The following NRXN3 variants were observed in gnomAD, a reference collection of about 807,000 sequenced individuals.
The protein encoded by NRXN3 is neurexin III.
In NRXN3, 32 loss-of-function variants were observed where a neutral mutation model predicts 137.6. The observed-to-expected ratio is 0.23, with a 90% CI of 0.18 to 0.31. The LOEUF (loss-of-function observed/expected upper bound fraction) is 0.31, where lower values mean the gene tolerates loss of function less well. Ranked by LOEUF, NRXN3 falls within the 10% of genes least tolerant of loss-of-function variation. The pLI, the probability that NRXN3 is intolerant of heterozygous loss-of-function variation, is 1.00. For synonymous variants in NRXN3, 798 were observed against 784.5 expected, an observed-to-expected ratio of 1.02 and a Z score of -0.29; for missense variants, 1,574 against 2,062.5, an observed-to-expected ratio of 0.76 and a Z score of 4.59.
chr14:78,830,757 T>C (rs1003372522), intron 10 of NRXN3, among the ~76,000 whole-genome samples: 18 of 152,098 alleles, frequency 1.2e-4, no homozygotes, highest in African/African-American at 4.3e-4. Context: ...CTTCTCTAGT[T>C]GGCAGCAGCA....
intron 20 of NRXN3, among the ~76,000 whole-genome samples, chr14:79,808,734 T>C (rs1367370570): frequency 2.0e-5 from 3 of 152,190 alleles, no homozygotes; most frequent in Non-Finnish European, 4.4e-5. Flanking sequence ...TAAATTTGGG[T>C]AGTTTAGTGT....
Position 79,572,506 on chromosome 14 carries a change from G to A in NRXN3, c.3445-91272G>A, listed in dbSNP as rs190982811. ...TTAGTACACTTGAGTCCAAAGGAGA[G>A]GTTCACAGCATCGTGCTCTTTTGTG... On this transcript the variant is annotated intron_variant, in intron 16 of 20. Coordinates refer to ENST00000335750, the MANE Select transcript of NRXN3 (RefSeq NM_001330195.2). Among the ~76,000 whole-genome samples the A allele has an allele frequency of 7.3e-4, 111 of 152,252 alleles. No homozygotes were observed. In the Middle Eastern group the frequency reaches 0.017, roughly 23 times the overall value.
intron 15 of NRXN3, among the ~76,000 whole-genome samples, chr14:79,141,198 A>G (rs921320091): frequency 1.3e-5 from 2 of 152,196 alleles, no homozygotes; most frequent in Non-Finnish European, 2.9e-5. Flanking sequence ...CCAGTGGTGG[A>G]CTTCTACAAC....
At chr14:79,698,323 T>C (rs1377760091) in intron 19 of NRXN3, among the ~76,000 whole-genome samples, 1 of 152,040 alleles carries the variant, frequency 6.6e-6, no homozygotes, top group Non-Finnish European at 1.5e-5. Context: ...TTCAATTTCA[T>C]TCACATTCTC....
chr14:79,093,643 G>T (rs1354989536), intron 15 of NRXN3, among the ~76,000 whole-genome samples: 2 of 152,164 alleles, frequency 1.3e-5, no homozygotes, highest in African/African-American at 4.8e-5. Context: ...GTTAAGTGTG[G>T]CAACTTTGAG....
intron 16 of NRXN3, among the ~76,000 whole-genome samples, chr14:79,486,660 T>G (rs1217044149): frequency 6.6e-6 from 1 of 152,172 alleles, no homozygotes; most frequent in African/African-American, 2.4e-5. Flanking sequence ...CTACCTATGG[T>G]TACAGAGTTG....
rs1025840574 is a variant in NRXN3 at position 78,728,390 on chromosome 14, A to G, written c.2044+13251A>G. Among the ~76,000 whole-genome samples, 7 of 152,230 alleles carry G rather than the reference A, an allele frequency of 4.6e-5. 1 individual carries two copies. Among genetic ancestry groups the G allele is most frequent in the Non-Finnish European group, 1.5e-5 (1 of 68,042 alleles). On this transcript the variant is annotated intron_variant, in intron 8 of 20. Transcript: ENST00000335750. The stretch of plus-strand genomic sequence containing the variant: ...AGATGCTTAAAGAAGTGGTCTAAAT[A>G]TGCAGATTCCTGATCATCTTGAAGA...
chr14:79,271,386 C>T (rs1392980821), intron 15 of NRXN3, among the ~76,000 whole-genome samples: 2 of 135,970 alleles, frequency 1.5e-5, no homozygotes, highest in Non-Finnish European at 3.2e-5. Context: ...CCCTTACCTT[C>T]CTCCTTCTTC....
intron 16 of NRXN3, among the ~76,000 whole-genome samples, chr14:79,474,085 T>C (rs1282240830): frequency 6.6e-6 from 1 of 152,168 alleles, no homozygotes; most frequent in Non-Finnish European, 1.5e-5. Flanking sequence ...AGTAGAAAGA[T>C]GTGCTTAATT....
chr14:79,139,158 G>A (rs927954984), intron 15 of NRXN3, among the ~76,000 whole-genome samples: 3 of 152,236 alleles, frequency 2.0e-5, no homozygotes, highest in African/African-American at 7.2e-5. Context: ...CATTTTAAGT[G>A]TCCAGTAATA....
intron 10 of NRXN3, among the ~76,000 whole-genome samples, chr14:78,897,082 T>C (rs563163784): frequency 6.6e-6 from 1 of 152,042 alleles, no homozygotes; most frequent in South Asian, 2.1e-4. Context: ...AATGGCAGCA[T>C]TGAATAGTGG....
At chr14:78,412,952 T>G (rs1046429072) in intron 4 of NRXN3, among the ~76,000 whole-genome samples, 2 of 152,208 alleles carry the variant, frequency 1.3e-5, no homozygotes, top group African/African-American at 4.8e-5. Context: ...ACTTTTTGGT[T>G]TTTAACCTGT....
Position 78,593,477 on chromosome 14 carries a change from C to T in NRXN3, c.758-51643C>T, listed in dbSNP as rs559026376. Reference sequence around the variant, plus strand: ...CCTACTGGGAGTCAGCTCTCCCAAGCACAGGCTAAGCACCCTTGTGACCAC... The same window carrying T: ...CCTACTGGGAGTCAGCTCTCCCAAGTACAGGCTAAGCACCCTTGTGACCAC... On this transcript the variant is annotated intron_variant, in intron 4 of 20. Coordinates refer to ENST00000335750, the MANE Select transcript of NRXN3 (RefSeq NM_001330195.2). Among the ~76,000 whole-genome samples, 357 of 152,322 alleles carry T rather than the reference C, an allele frequency of 2.3e-3. 4 individuals carry two copies. The highest frequency in any genetic ancestry group is 0.014 in the Middle Eastern group (4 of 294).
At chr14:78,345,016 T>C (rs1567317904) in intron 4 of NRXN3, among the ~76,000 whole-genome samples, 2 of 152,056 alleles carry the variant, frequency 1.3e-5, no homozygotes, top group Admixed American at 1.3e-4. Context: ...TAGAGAATTG[T>C]GTTGGGAGGG....
At chr14:79,017,069 A>T (rs2099580481) in intron 15 of NRXN3, among the ~76,000 whole-genome samples, 1 of 152,108 alleles carries the variant, frequency 6.6e-6, no homozygotes, top group Non-Finnish European at 1.5e-5. Context: ...AATGAAATGC[A>T]AAGCAATGTC....
chr14:79,024,274 C>T (rs1450949573), intron 15 of NRXN3, among the ~76,000 whole-genome samples: 2 of 152,180 alleles, frequency 1.3e-5, no homozygotes, highest in Admixed American at 1.3e-4. Flanking sequence ...TTGCTTCCCT[C>T]TCTCCTTTCT....
intron 4 of NRXN3, among the ~76,000 whole-genome samples, chr14:78,482,265 G>A (rs978509959): frequency 3.9e-5 from 6 of 152,174 alleles, no homozygotes; most frequent in African/African-American, 1.4e-4. Flanking sequence ...TACTGTATAT[G>A]CGTTGTCTAA....
At chr14:78,915,345 C>CAAAAAAAAAA (rs35908076) in intron 10 of NRXN3, among the ~76,000 whole-genome samples, 2 of 11,190 alleles carry the variant, frequency 1.8e-4, no homozygotes, top group African/African-American at 5.6e-4. Context: ...ACGTGTGAAG[C>CAAAAAAAAAA]AAAAAAAAAA....
intron 15 of NRXN3, among the ~76,000 whole-genome samples, chr14:79,044,179 A>C (rs1295948404): frequency 6.6e-6 from 1 of 152,252 alleles, no homozygotes; most frequent in Non-Finnish European, 1.5e-5. Context: ...CTTTTGAGGT[A>C]GACTTTCAAC....
Sources: allele counts gnomAD v4.1 joint callset (sites outside exome capture counted in the v4.1 genomes callset), GRCh38; gene constraint gnomAD v4.1.1; transcripts MANE v1.5; gene names NCBI Gene and HGNC (gene_info 2026-07-23, HGNC 2026-07-21).